GRIN2A: variants seen among roughly 807,000 people sequenced by gnomAD.
GRIN2A encodes glutamate ionotropic receptor NMDA type subunit 2A.
GRIN2A carries 22 observed loss-of-function variants against 113.4 expected under a neutral mutation model. The ratio of observed to expected loss-of-function variants is 0.19; its 90% confidence interval spans 0.14 to 0.28. The LOEUF (loss-of-function observed/expected upper bound fraction) is 0.28, where lower values mean the gene tolerates loss of function less well. Among genes scored for constraint, GRIN2A ranks in the 10% least tolerant of loss-of-function variants. GRIN2A has a pLI of 1.00. For missense variants in GRIN2A, 1,502 were observed against 1,887.0 expected (o/e 0.80, Z 3.78); for synonymous variants, 827 against 738.4 (o/e 1.12, Z -1.94).
At chr16:10,120,531 G>T (rs747047449) in intron 2 of GRIN2A, among the ~76,000 whole-genome samples, 16 of 151,878 alleles carry the variant, frequency 1.1e-4, no homozygotes, top group Non-Finnish European at 1.9e-4. Context: ...TTTCTGGGGA[G>T]GCCCTAGAAT....
In GRIN2A at chr16:10,112,234, T is replaced by C. The variant is rs116005234; in HGVS notation, c.414+67764A>G. 641 of 614,204 alleles carry C rather than the reference T, an allele frequency of 1.0e-3. 3 individuals carry two copies. The highest frequency in any genetic ancestry group is 0.01 in the African/African-American group (558 of 54,822). The allele number at this position is 614,204 out of a possible 1,614,324, so 38.0% of individuals were successfully genotyped here. A position where few individuals can be genotyped will look rare whatever the true frequency, so the allele number is the denominator to read the frequency against. On this transcript the variant is annotated intron_variant, in intron 2 of 12. Coordinates refer to ENST00000330684, the MANE Select transcript of GRIN2A (RefSeq NM_001134407.3). ...GGGAACTCGGTGTATCAAATCACCA[T>C]GGTGCATTACATCAAACAGAAGTAC...
intron 2 of GRIN2A, among the ~76,000 whole-genome samples, chr16:10,117,023 A>G (rs945167897): frequency 1.3e-5 from 2 of 151,908 alleles, no homozygotes; most frequent in African/African-American, 2.4e-5. Context: ...TGGGGCATCA[A>G]CAACATAGCT....
Position 10,060,296 on chromosome 16 carries a change from C to T in GRIN2A, c.414+119702G>A, listed in dbSNP as rs549708238. ...AAGGAAAATCAATAGGTACTAGGCA[C>T]GAACCACATGCCGGGGTCTGTGCTT... On this transcript the variant is annotated intron_variant, in intron 2 of 12. Transcript: ENST00000330684. 4.9e-4 allele frequency among the ~76,000 whole-genome samples: 75 copies of T among 152,314 alleles called. 1 individual carries two copies. The highest frequency in any genetic ancestry group is 7.6e-4 in the Non-Finnish European group (52 of 68,028).
At position 9,764,635 on chromosome 16, in the gene GRIN2A, C is replaced by A. The variant is rs148669437; in HGVS notation, c.2909G>T (p.Arg970Leu). Residue 970 changes from arginine (R) to leucine (L), a missense_variant, in exon 13 of 13, where the codon CGG (arginine) becomes CTG (leucine). Arg to Leu is a moderately radical substitution (Grantham distance 102). Coordinates refer to ENST00000330684, the MANE Select transcript of GRIN2A (RefSeq NM_001134407.3). ...ATAGTTATTGAGGTTATCCTTCTGC[C>A]GGTTGGCCACAAATGTTTGGAGTTC... ...MNELQTFVANRQKDNLNNYVF... is the reference protein window; with the variant it reads ...MNELQTFVANLQKDNLNNYVF... 1 of 1,613,980 alleles carries A rather than the reference C, an allele frequency of 6.2e-7. No individual in the cohort carries two copies.
chr16:10,053,206 T>G (rs1029248565), intron 2 of GRIN2A, among the ~76,000 whole-genome samples: 1 of 152,170 alleles, frequency 6.6e-6, no homozygotes, highest in Non-Finnish European at 1.5e-5. Context: ...ACTTTCCAAA[T>G]TCAGCAAGAA....
chr16:10,001,306 C>G (rs969652741), intron 2 of GRIN2A, among the ~76,000 whole-genome samples: 2 of 152,178 alleles, frequency 1.3e-5, no homozygotes, highest in African/African-American at 4.8e-5. Flanking sequence ...GCTCTATTAT[C>G]TACTACCTGG....
intron 4 of GRIN2A, among the ~76,000 whole-genome samples, chr16:9,887,293 C>A (rs937738459): frequency 6.6e-6 from 1 of 152,138 alleles, no homozygotes; most frequent in African/African-American, 2.4e-5. Flanking sequence ...TAGGAAATAA[C>A]TGCCATCACT....
intron 11 of GRIN2A, among the ~76,000 whole-genome samples, chr16:9,789,735 G>C (rs75925656): frequency 6.6e-6 from 1 of 152,322 alleles, no homozygotes; most frequent in African/African-American, 2.4e-5. Flanking sequence ...TATCATTCCT[G>C]GTTGTTGGGG....
At chr16:9,803,542 A>G (rs887660864) in intron 10 of GRIN2A, among the ~76,000 whole-genome samples, 7 of 152,250 alleles carry the variant, frequency 4.6e-5, no homozygotes, top group Admixed American at 1.3e-4. Context: ...TGCTCGAAAC[A>G]CATAAATGCA....
At chr16:10,079,239 G>C (rs986736775) in intron 2 of GRIN2A, among the ~76,000 whole-genome samples, 1 of 152,180 alleles carries the variant, frequency 6.6e-6, no homozygotes, top group Admixed American at 6.5e-5. Flanking sequence ...AAAAAAAATG[G>C]TAATGTCACA....
intron 2 of GRIN2A, among the ~76,000 whole-genome samples, chr16:10,065,091 C>T (rs576003361): frequency 1.3e-5 from 2 of 152,316 alleles, no homozygotes; most frequent in South Asian, 4.1e-4. Flanking sequence ...CTCCACACAG[C>T]ATTCAACACA....
At chr16:9,797,788 G>A (rs148058212) in intron 11 of GRIN2A, among the ~76,000 whole-genome samples, 266 of 152,252 alleles carry the variant, frequency 1.7e-3, no homozygotes, top group Middle Eastern at 3.4e-3. Flanking sequence ...TGATGTAGGG[G>A]GCTGTCCTGG....
chr16:10,133,062 A>G (rs575890407), intron 2 of GRIN2A, among the ~76,000 whole-genome samples: 1 of 152,192 alleles, frequency 6.6e-6, no homozygotes, highest in Non-Finnish European at 1.5e-5. Context: ...TTATAAGTAC[A>G]GTCACAATTA....
At chr16:10,088,659 G>T (rs1409542646) in intron 2 of GRIN2A, among the ~76,000 whole-genome samples, 1 of 152,180 alleles carries the variant, frequency 6.6e-6, no homozygotes, top group African/African-American at 2.4e-5. Flanking sequence ...CTACTCAAAG[G>T]ACTGGCTATT....
chr16:10,015,509 A>AC (rs2046593539), intron 2 of GRIN2A, among the ~76,000 whole-genome samples: 1 of 151,828 alleles, frequency 6.6e-6, no homozygotes, highest in Admixed American at 6.6e-5. Flanking sequence ...TAACAAAAAT[A>AC]TTTTTTTCAA....
chr16:9,919,906 CAT>C (rs1226715248), intron 3 of GRIN2A, among the ~76,000 whole-genome samples: 3 of 152,214 alleles, frequency 2.0e-5, no homozygotes, highest in Non-Finnish European at 4.4e-5. Context: ...CTCAGACTGT[CAT>C]ATTACTTTCT....
At chr16:10,011,574 G>A (rs774405676) in intron 2 of GRIN2A, among the ~76,000 whole-genome samples, 7 of 152,222 alleles carry the variant, frequency 4.6e-5, no homozygotes, top group Admixed American at 1.3e-4. Context: ...GCTGTGTGCT[G>A]AAGTAACTGC....
At chr16:9,978,031 T>C (rs1294693118) in intron 2 of GRIN2A, among the ~76,000 whole-genome samples, 1 of 152,220 alleles carries the variant, frequency 6.6e-6, no homozygotes, top group African/African-American at 2.4e-5. Context: ...CTGTGCCATA[T>C]ATTCACTGGA....
At chr16:9,813,521 C>CTTTT (rs71380937) in intron 10 of GRIN2A, among the ~76,000 whole-genome samples, 1 of 142,362 alleles carries the variant, frequency 7.0e-6, no homozygotes. Context: ...TTTTTTTTGC[C>CTTTT]TTTTTTTTTT....
Sources: gnomAD v4.1 joint callset for allele counts (sites outside exome capture counted in the v4.1 genomes callset) on GRCh38, gnomAD v4.1.1 for gene constraint, MANE v1.5 for transcripts, NCBI Gene and HGNC (gene_info 2026-07-23, HGNC 2026-07-21) for gene names.